Variants in DUSP10 observed in about 807,000 individuals in gnomAD.
DUSP10 encodes dual specificity protein phosphatase 10.
Under a neutral mutation model 30.8 loss-of-function variants are expected in DUSP10, and 14 were observed. The observed-to-expected ratio is 0.46, with a 90% confidence interval of 0.30 to 0.71. DUSP10 has a LOEUF of 0.71. DUSP10 is among the 30% of genes least tolerant of loss of function. The probability of loss-of-function intolerance (pLI) is 0.08; values close to 1 mark genes in which losing one functional copy is unlikely to be tolerated. For synonymous variants in DUSP10, 254 were observed against 250.4 expected, an observed-to-expected ratio of 1.01 and a Z score of -0.14; for missense variants, 550 against 619.4, an observed-to-expected ratio of 0.89 and a Z score of 1.19.
chr1:221,702,275 T>C lies in DUSP10; in HGVS notation c.*137A>G. 1 of 963,020 alleles carries C rather than the reference T, an allele frequency of 1.0e-6. No homozygotes were observed. The highest frequency in any genetic ancestry group is 1.7e-5 in the South Asian group (1 of 60,208). 59.7% of individuals were successfully genotyped at this position (963,020 alleles called of 1,614,324 possible). A position where few individuals can be genotyped will look rare whatever the true frequency, so the allele number is the denominator to read the frequency against. ...CTTCTTACACTTGTTAAAAATAAAG[T>C]GTTTAAACAAGTTTGTTTCCATTCA... On this transcript the variant is annotated 3_prime_UTR_variant, in exon 4 of 4. Coordinates refer to ENST00000366899, the MANE Select transcript of DUSP10 (RefSeq NM_007207.6). The surrounding 1 kb of genome is among the most constrained non-coding windows in gnomAD (Gnocchi z 4.5).
intron 2 of DUSP10, among the ~76,000 whole-genome samples, chr1:221,738,267 G>A (rs1445683155): frequency 1.3e-5 from 2 of 152,332 alleles, no homozygotes; most frequent in South Asian, 2.1e-4. Flanking sequence ...CCGTTGTCAG[G>A]TGAGGCCAGA....
At chr1:221,712,659 C>T (rs527680287) in intron 2 of DUSP10, among the ~76,000 whole-genome samples, 20 of 149,062 alleles carry the variant, frequency 1.3e-4, no homozygotes, top group African/African-American at 4.7e-4. Flanking sequence ...GAAGATATAT[C>T]TAAAAATAAG....
At chr1:221,733,930 G>A (rs1252534593) in intron 2 of DUSP10, among the ~76,000 whole-genome samples, 3 of 152,192 alleles carry the variant, frequency 2.0e-5, no homozygotes, top group South Asian at 4.1e-4. Flanking sequence ...AAGCAGGAGA[G>A]TGTACCCAAA....
At chr1:221,707,392 G>A (rs571973357) in intron 2 of DUSP10, among the ~76,000 whole-genome samples, 4 of 152,248 alleles carry the variant, frequency 2.6e-5, no homozygotes, top group South Asian at 2.1e-4. Flanking sequence ...CTTACTCCTC[G>A]ACTTTCCAAG....
chr1:221,726,631 TC>T (rs1661433023), intron 2 of DUSP10, among the ~76,000 whole-genome samples: 1 of 151,982 alleles, frequency 6.6e-6, no homozygotes, highest in Non-Finnish European at 1.5e-5. Context: ...ATAAAGTGTT[TC>T]TGCTAAGACT....
chr1:221,727,810 T>C (rs372317927), intron 2 of DUSP10, among the ~76,000 whole-genome samples: 100 of 152,344 alleles, frequency 6.6e-4, no homozygotes, highest in African/African-American at 2.3e-3. Context: ...CTAATTCTAC[T>C]GCCTTGATCA....
At chr1:221,727,471 G>A (rs1009367066) in intron 2 of DUSP10, among the ~76,000 whole-genome samples, 3 of 152,214 alleles carry the variant, frequency 2.0e-5, no homozygotes, top group African/African-American at 7.2e-5. Flanking sequence ...TTCTATGTCT[G>A]TAAAATGGGA....
chr1:221,707,600 G>A (rs984328259), intron 2 of DUSP10, among the ~76,000 whole-genome samples: 2 of 151,986 alleles, frequency 1.3e-5, no homozygotes, highest in South Asian at 4.1e-4. Context: ...TGGATCTTAG[G>A]GAAATCATCT....
rs894796054 is a variant in DUSP10 at position 221,706,848 on chromosome 1, A to C, written c.812-382T>G. ...CATAGAACCCTGTGCTTTGGGAGCC[A>C]AGAAAGGCACAGATGACCTCCTCGG... is the stretch of plus-strand genomic sequence containing the variant. On this transcript the variant is annotated intron_variant, in intron 2 of 3. Transcript: ENST00000366899. The surrounding 1 kb of genome is among the most constrained non-coding windows in gnomAD (Gnocchi z 4.6). Among the ~76,000 whole-genome samples, 4 of 152,130 alleles carry C rather than the reference A, an allele frequency of 2.6e-5. No homozygotes were observed. Among genetic ancestry groups the C allele is most frequent in the African/African-American group, 9.7e-5 (4 of 41,426 alleles).
intron 2 of DUSP10, among the ~76,000 whole-genome samples, chr1:221,721,667 TTCTCCTC>T (rs1661281182): frequency 6.6e-6 from 1 of 152,156 alleles, no homozygotes; most frequent in Admixed American, 6.5e-5. Context: ...TCTTACCCCT[TTCTCCTC>T]TCTCCTCGCC....
In DUSP10 at chr1:221,706,565, T is replaced by C; in HGVS notation, c.812-99A>G. Reference sequence around the variant, plus strand: ...ATGAGTTTGCATTGTAGCTCATGCATATTTTAAATACATATATAAATATGT... The same window carrying C: ...ATGAGTTTGCATTGTAGCTCATGCACATTTTAAATACATATATAAATATGT... On this transcript the variant is annotated intron_variant, in intron 2 of 3. Coordinates refer to ENST00000366899, the MANE Select transcript of DUSP10 (RefSeq NM_007207.6). This position sits in a 1 kb window ranked among gnomAD's most constrained non-coding sequence, Gnocchi z 4.6. 1.2e-6 allele frequency: 1 copy of C among 803,286 alleles called. No homozygotes were observed. The highest frequency in any genetic ancestry group is 1.8e-6 in the Non-Finnish European group (1 of 552,370). 49.8% of individuals were successfully genotyped at this position (803,286 alleles called of 1,614,324 possible).
intron 2 of DUSP10, among the ~76,000 whole-genome samples, chr1:221,730,403 T>C (rs1661553213): frequency 6.6e-6 from 1 of 152,176 alleles, no homozygotes; most frequent in Admixed American, 6.5e-5. Flanking sequence ...ATGTGTGCAA[T>C]GGACAACAGA....
chr1:221,728,397 G>A (rs569763008), intron 2 of DUSP10, among the ~76,000 whole-genome samples: 1 of 152,280 alleles, frequency 6.6e-6, no homozygotes, highest in African/African-American at 2.4e-5. Context: ...GGATTCCAAG[G>A]AGTCCATCCT....
intron 1 of DUSP10, among the ~76,000 whole-genome samples, 167 bp from the exon 2 acceptor site, chr1:221,739,954 A>G (rs1473275781): frequency 6.6e-6 from 1 of 152,250 alleles, no homozygotes; most frequent in East Asian, 1.9e-4. Context: ...GTATTCAAAG[A>G]GGATGCAAAC....
intron 2 of DUSP10, among the ~76,000 whole-genome samples, chr1:221,720,902 TTA>T (rs1661263063): frequency 6.6e-6 from 1 of 152,196 alleles, no homozygotes; most frequent in South Asian, 2.1e-4. Context: ...AGTTACCTAT[TTA>T]TTTCTTCCCT....
At chr1:221,720,208 G>A (rs969531225) in intron 2 of DUSP10, among the ~76,000 whole-genome samples, 29 of 152,158 alleles carry the variant, frequency 1.9e-4, no homozygotes, top group African/African-American at 5.8e-4. Context: ...ATGACTAGTG[G>A]CTGGGGGCCC....
intron 2 of DUSP10, among the ~76,000 whole-genome samples, chr1:221,737,930 A>C (rs1198965005): frequency 1.3e-5 from 2 of 152,228 alleles, no homozygotes; most frequent in African/African-American, 4.8e-5. Context: ...TGTGACCCAG[A>C]AACTGCGTAC....
rs150687745 is a variant in DUSP10 at position 221,709,358 on chromosome 1, GAC to G, written c.812-2894_812-2893del. On this transcript the variant is annotated intron_variant, in intron 2 of 3. Coordinates refer to ENST00000366899, the MANE Select transcript of DUSP10 (RefSeq NM_007207.6). ...TGGGGGGAGGAGGGAATTTGAGACA[GAC>G]ACACAGAATGCTCCAAATCACAGAG... Among the ~76,000 whole-genome samples the G allele has an allele frequency of 2.8e-3, 425 of 150,428 alleles. 3 individuals carry two copies. The highest frequency in any genetic ancestry group is 0.01 in the African/African-American group (410 of 40,890).
intron 2 of DUSP10, among the ~76,000 whole-genome samples, chr1:221,726,753 C>T (rs377585203): frequency 2.8e-5 from 4 of 143,690 alleles, no homozygotes; most frequent in African/African-American, 1.0e-4. Context: ...CCAAAAGAAA[C>T]ACTGGGTTTT....
Sources: gnomAD v4.1 joint callset for allele counts (sites outside exome capture counted in the v4.1 genomes callset) on GRCh38, gnomAD v4.1.1 for gene constraint, Gnocchi (gnomAD v3.1) non-coding constraint, MANE v1.5 for transcripts, NCBI Gene and HGNC (gene_info 2026-07-23, HGNC 2026-07-21) for gene names.